Variants in LRPAP1 observed in about 807,000 individuals in gnomAD.
The protein encoded by LRPAP1 is LDL receptor related protein associated protein 1.
LRPAP1 carries 41 observed loss-of-function variants against 39.9 expected under a neutral mutation model. The observed-to-expected ratio is 1.03, with a 90% CI of 0.80 to 1.33. The LOEUF is 1.33. LRPAP1 is among the 40% of genes most tolerant of loss of function. The pLI is 0.00. For synonymous variants in LRPAP1, 263 were observed against 212.7 expected, an observed-to-expected ratio of 1.24 and a Z score of -2.06; for missense variants, 565 against 482.3, an observed-to-expected ratio of 1.17 and a Z score of -1.61.
intron 2 of LRPAP1, among the ~76,000 whole-genome samples, chr4:3,523,718 G>A (rs922506767): frequency 5.3e-5 from 8 of 152,112 alleles, no homozygotes; most frequent in African/African-American, 1.9e-4. Context: ...CTCTTTACCA[G>A]AGACAACCCG....
At chr4:3,522,566 C>T (rs55668524) in intron 2 of LRPAP1, among the ~76,000 whole-genome samples, 691 of 21,588 alleles carry the variant, frequency 0.032, 58 homozygotes, top group East Asian at 0.17. Flanking sequence ...ACAGACGCCA[C>T]CCCACACTCC....
Position 3,513,936 on chromosome 4 carries a change from G to A in LRPAP1, c.1011+816C>T, listed in dbSNP as rs574987946. ...AGCGGCCCTGACCTCTGCCCCAACG[G>A]TGCGGGTGCCTCAGGCAGTGCCACA... is the stretch of plus-strand genomic sequence containing the variant. On this transcript the variant is annotated intron_variant, in intron 7 of 7. Transcript: ENST00000650182. 9.2e-5 allele frequency among the ~76,000 whole-genome samples: 14 copies of A among 152,354 alleles called. No individual in the cohort carries two copies. The East Asian group carries it at 2.5e-3, about 27-fold the overall frequency.
rs866159859 is a variant in LRPAP1, at chr4:3,516,194, G to C, written c.756C>G (p.Phe252Leu). 3 of 1,569,410 alleles carry C rather than the reference G, an allele frequency of 1.9e-6. No individual in the cohort carries two copies. Among genetic ancestry groups the C allele is most frequent in the Non-Finnish European group, 2.6e-6 (3 of 1,157,256 alleles). Residue 252 changes from phenylalanine (F) to leucine (L), a missense_variant, in exon 6 of 8, where the codon TTC (phenylalanine) becomes TTG (leucine). Phe to Leu is a conservative substitution (Grantham distance 22). Coordinates refer to ENST00000650182, the MANE Select transcript of LRPAP1 (RefSeq NM_002337.4). The part of the protein sequence containing the change: ...SHQGYSTEAE[F>L]EEPRVIDLWD... Reference sequence around the variant, plus strand: ...ACAGGTCAATCACCCTGGGCTCCTCGAACTCTGCAGGGGAGGAGCAAGAGT... The same window carrying C: ...ACAGGTCAATCACCCTGGGCTCCTCCAACTCTGCAGGGGAGGAGCAAGAGT...
rs916699688 is a variant in LRPAP1, at chr4:3,512,497, C to T, written c.*477G>A. The T allele has an allele frequency of 7.5e-5, 12 of 159,680 alleles. No homozygotes were observed. The highest frequency in any genetic ancestry group is 1.8e-4 in the East Asian group (1 of 5,436). The allele number at this position is 159,680 out of a possible 1,614,324, so 9.9% of individuals were successfully genotyped here. A position where few individuals can be genotyped will look rare whatever the true frequency, so the allele number is the denominator to read the frequency against. On this transcript the variant is annotated 3_prime_UTR_variant, in exon 8 of 8. Transcript: ENST00000650182. ...GGCCCAGAGGGGAAGCTGGCTATGA[C>T]GCGATCCCTTCAAGAGCACTGGCTC... is the stretch of plus-strand genomic sequence containing the variant.
intron 1 of LRPAP1, among the ~76,000 whole-genome samples, chr4:3,531,142 C>T (rs965408480): frequency 6.6e-6 from 1 of 152,162 alleles, no homozygotes; most frequent in Admixed American, 6.5e-5. Flanking sequence ...TCCCACCTCC[C>T]ACCTCCGCAG....
Position 3,512,812 on chromosome 4 carries a change from G to A in LRPAP1, c.*162C>T, listed in dbSNP as rs1049574. The A allele has an allele frequency of 0.24, 148,408 of 615,146 alleles. 20,348 individuals carry two copies. Among genetic ancestry groups the A allele is most frequent in the East Asian group, 0.52 (18,600 of 35,840 alleles). 38.1% of individuals were successfully genotyped at this position (615,146 alleles called of 1,614,324 possible). ...TGCTACCACCACCAAGCCCTGTGTCGCGACGGCAGCGGCTGCAGTCACCAG... is the reference window on the plus strand; with the variant it reads ...TGCTACCACCACCAAGCCCTGTGTCACGACGGCAGCGGCTGCAGTCACCAG... On this transcript the variant is annotated 3_prime_UTR_variant, in exon 8 of 8. Coordinates refer to ENST00000650182, the MANE Select transcript of LRPAP1 (RefSeq NM_002337.4).
intron 1 of LRPAP1, among the ~76,000 whole-genome samples, chr4:3,531,257 T>C (rs1479155105): frequency 6.6e-6 from 1 of 152,182 alleles, no homozygotes; most frequent in African/African-American, 2.4e-5. Flanking sequence ...CGCAGTCTTA[T>C]AACCGTCTGT....
At chr4:3,513,362 C>CA (rs1729593598) in intron 7 of LRPAP1, among the ~76,000 whole-genome samples, 1 of 152,206 alleles carries the variant, frequency 6.6e-6, no homozygotes, top group South Asian at 2.1e-4. Context: ...GGCTGGAGTG[C>CA]AGTGGCATGA....
chr4:3,504,824 A>G lies in LRPAP1; in HGVS notation c.*8150T>C, dbSNP rs1387202814. On this transcript the variant is annotated 3_prime_UTR_variant, in exon 8 of 8. Transcript: ENST00000650182. ...TAGCTGGGTATGGTGGCAGGTGCCC[A>G]TAATCCCAGCTACTTGGGAGGCTGA... Among the ~76,000 whole-genome samples the G allele has an allele frequency of 6.6e-6, 1 of 151,620 alleles. No individual in the cohort carries two copies. Among genetic ancestry groups the G allele is most frequent in the African/African-American group, 2.4e-5 (1 of 41,248 alleles).
At chr4:3,514,512 G>A (rs763608823) in intron 7 of LRPAP1, among the ~76,000 whole-genome samples, 19 of 152,234 alleles carry the variant, frequency 1.2e-4, no homozygotes, top group Non-Finnish European at 2.5e-4. Context: ...TGGCCCGCCG[G>A]GGCCTGCGCT....
intron 4 of LRPAP1, 34 bp downstream of exon 4, chr4:3,518,837 G>A (rs1244818981): frequency 3.2e-6 from 4 of 1,244,864 alleles, no homozygotes; most frequent in Non-Finnish European, 4.2e-6. Flanking sequence ...AGGGGGTGGG[G>A]CAGAGGGCAG....
At position 3,512,246 on chromosome 4, in the gene LRPAP1, C is replaced by T. The variant is rs913367340; in HGVS notation, c.*728G>A. On this transcript the variant is annotated 3_prime_UTR_variant, in exon 8 of 8. Coordinates refer to ENST00000650182, the MANE Select transcript of LRPAP1 (RefSeq NM_002337.4). The stretch of plus-strand genomic sequence containing the variant: ...TCCCCCATGAGATGGGGCATTTACA[C>T]AGCACACTTAGGGACACGGAGGCCC... 8 of 152,454 alleles carry T rather than the reference C, an allele frequency of 5.2e-5. No homozygotes were observed. The highest frequency in any genetic ancestry group is 1.9e-4 in the African/African-American group (8 of 41,470). 9.4% of individuals were successfully genotyped at this position (152,454 alleles called of 1,614,324 possible).
chr4:3,525,859 G>C (rs1730065107), intron 1 of LRPAP1, among the ~76,000 whole-genome samples: 1 of 152,254 alleles, frequency 6.6e-6, no homozygotes, highest in South Asian at 2.1e-4. Context: ...ACGTCAGAAA[G>C]ACTGGGCCAG....
In LRPAP1 at chr4:3,503,888, G is replaced by C. The variant is rs902648038; in HGVS notation, c.*9086C>G. On this transcript the variant is annotated 3_prime_UTR_variant, in exon 8 of 8. Transcript: ENST00000650182. ...ACAAGCCAGGAAGGTAGAAACAAGG[G>C]AGAAGTGAGGGACCCAGGGGCCCAG... 6.6e-6 allele frequency: 1 copy of C among 152,342 alleles called. No individual in the cohort carries two copies. Among genetic ancestry groups the C allele is most frequent in the East Asian group, 1.9e-4 (1 of 5,198 alleles). 9.4% of individuals were successfully genotyped at this position (152,342 alleles called of 1,614,324 possible). A position where few individuals can be genotyped will look rare whatever the true frequency, so the allele number is the denominator to read the frequency against.
intron 5 of LRPAP1, 139 bp from the exon 6 acceptor site, chr4:3,516,337 G>A (rs889671236): frequency 2.2e-5 from 11 of 510,390 alleles, no homozygotes; most frequent in African/African-American, 6.9e-5. Context: ...ACACGGGTGC[G>A]TGCACTCAAA....
At chr4:3,525,850 C>T (rs181964810) in intron 1 of LRPAP1, among the ~76,000 whole-genome samples, 69 of 152,348 alleles carry the variant, frequency 4.5e-4, no homozygotes, top group Middle Eastern at 3.4e-3. Flanking sequence ...AGTGTCCCCA[C>T]GTCAGAAAGA....
chr4:3,530,868 G>A (rs1224307459), intron 1 of LRPAP1, among the ~76,000 whole-genome samples: 3 of 152,150 alleles, frequency 2.0e-5, no homozygotes, highest in Non-Finnish European at 2.9e-5. Context: ...CTGGGTCCGA[G>A]TGCACTTCCT....
At position 3,505,908 on chromosome 4, in the gene LRPAP1, C is replaced by T. The variant is rs1729340180; in HGVS notation, c.*7066G>A. Among the ~76,000 whole-genome samples the T allele has an allele frequency of 6.6e-6, 1 of 152,222 alleles. No individual in the cohort carries two copies. Among genetic ancestry groups the T allele is most frequent in the Admixed American group, 6.5e-5 (1 of 15,284 alleles). ...TGAGCTGGGACCAGCTCTTCCACTG[C>T]CCTGCTCCGAGCCTGCTCTGGTCAA... is the stretch of plus-strand genomic sequence containing the variant. On this transcript the variant is annotated 3_prime_UTR_variant, in exon 8 of 8. Transcript: ENST00000650182.
chr4:3,522,028 G>GAAAT (rs1729924739), intron 2 of LRPAP1, among the ~76,000 whole-genome samples: 1 of 152,202 alleles, frequency 6.6e-6, no homozygotes, highest in African/African-American at 2.4e-5. Context: ...GAAAATAAAT[G>GAAAT]AAATAAATAC....
Sources: allele counts gnomAD v4.1 joint callset (sites outside exome capture counted in the v4.1 genomes callset), GRCh38; gene constraint gnomAD v4.1.1; transcripts MANE v1.5; gene names NCBI Gene and HGNC (gene_info 2026-07-23, HGNC 2026-07-21).